GAS2L1: variants seen among roughly 807,000 people sequenced by gnomAD.
The protein encoded by GAS2L1 is GAS2-like protein 1.
GAS2L1 carries 26 observed loss-of-function variants against 44.0 expected under a neutral mutation model. The ratio of observed to expected loss-of-function variants is 0.59; its 90% CI spans 0.43 to 0.82. The LOEUF is 0.82. Ranked by LOEUF, GAS2L1 falls within the 40% of genes least tolerant of loss-of-function variation. The probability of loss-of-function intolerance (pLI) is 0.00; values close to 1 mark genes in which losing one functional copy is unlikely to be tolerated. For synonymous variants in GAS2L1, 426 were observed against 415.9 expected (o/e 1.02, Z -0.30); for missense variants, 1,006 against 983.0 (o/e 1.02, Z -0.31).
Position 29,310,298 on chromosome 22 carries a change from A to C in GAS2L1, c.634-141A>C. The C allele has an allele frequency of 3.4e-6, 2 of 594,232 alleles. 1 individual carries two copies. The highest frequency in any genetic ancestry group is 6.1e-6 in the Non-Finnish European group (2 of 329,540). The allele number at this position is 594,232 out of a possible 1,614,324, so 36.8% of individuals were successfully genotyped here. A position where few individuals can be genotyped will look rare whatever the true frequency, so the allele number is the denominator to read the frequency against. ...AAAATAAAAGAAAGGTCACGTGTGG[A>C]AGCTGTACCCCATCCGGGGCAACAC... On this transcript the variant is annotated intron_variant, in intron 1 of 4. Coordinates refer to ENST00000618518, the Ensembl canonical transcript of GAS2L1.
chr22:29,312,352 G>C lies in GAS2L1; in HGVS notation c.1901G>C (p.Gly634Ala), dbSNP rs1258262315. The C allele has an allele frequency of 3.1e-6, 5 of 1,604,250 alleles. No homozygotes were observed. The African/African-American group carries it at 6.7e-5, about 21-fold the overall frequency. The change falls in exon 5 of 5, where the codon GGT (glycine) becomes GCT (alanine). Residue 634 changes from glycine (G) to alanine (A), a missense_variant. Coordinates refer to ENST00000618518, the Ensembl canonical transcript of GAS2L1. ...GAACCCTCGAGGACCTGGGCACGGG[G>C]TCGGATGGACACACAGCCAGACCGT...
Position 29,310,263 on chromosome 22 carries a change from AAAAAT to A in GAS2L1, c.634-171_634-167del, listed in dbSNP as rs1357975249. The A allele has an allele frequency of 6.8e-3, 2,654 of 389,322 alleles. 45 individuals carry two copies. The highest frequency in any genetic ancestry group is 0.049 in the African/African-American group (2,328 of 47,416). 24.1% of individuals were successfully genotyped at this position (389,322 alleles called of 1,614,324 possible). A position where few individuals can be genotyped will look rare whatever the true frequency, so the allele number is the denominator to read the frequency against. ...AACTCAAAAAAAAAAAAAAATAAAA[AAAAAT>A]AAAAAAAATAAAAGAAAGGTCACGT... On this transcript the variant is annotated intron_variant, in intron 1 of 4. Coordinates refer to ENST00000618518, the Ensembl canonical transcript of GAS2L1.
chr22:29,308,640 G>C (rs777070349), exon 1 of GAS2L1: 9 of 1,576,228 alleles, frequency 5.7e-6, no homozygotes, highest in Non-Finnish European at 7.8e-6. Context: ...CAACGCCCCT[G>C]CCGCTGGGGA....
At chr22:29,310,932 G>A (rs1179215676) in exon 4 of GAS2L1, 1 of 1,613,710 alleles carries the variant, frequency 6.2e-7, no homozygotes, top group South Asian at 1.1e-5. Flanking sequence ...GAGCGCCGGG[G>A]CTCCCGGCCT....
At chr22:29,307,961 C>A in exon 1 of GAS2L1, 1 of 585,686 alleles carries the variant, frequency 1.7e-6, no homozygotes, top group Non-Finnish European at 2.7e-6. Context: ...CGACATTTCC[C>A]AGAGCCAACA....
exon 1 of GAS2L1, chr22:29,308,650 A>G (rs2061374331): frequency 6.4e-7 from 1 of 1,562,184 alleles, no homozygotes; most frequent in Non-Finnish European, 8.7e-7. Context: ...GCCGCTGGGG[A>G]GGACACCACT....
exon 1 of GAS2L1, chr22:29,308,348 G>A (rs879394566): frequency 5.0e-6 from 8 of 1,604,046 alleles, no homozygotes; most frequent in South Asian, 1.1e-5. Flanking sequence ...CCGCCCGCCC[G>A]GCCCGAGGTG....
intron 1 of GAS2L1, 130 bp from the exon 3 acceptor site, chr22:29,310,309 C>G (rs1158336300): frequency 1.5e-6 from 1 of 646,890 alleles, no homozygotes; most frequent in Non-Finnish European, 2.8e-6. Context: ...AGCTGTACCC[C>G]ATCCGGGGCA....
chr22:29,308,655 A>G, exon 1 of GAS2L1: 1 of 1,549,776 alleles, frequency 6.5e-7, no homozygotes, highest in Non-Finnish European at 8.7e-7. Flanking sequence ...TGGGGAGGAC[A>G]CCACTGAAAC....
At chr22:29,309,735 C>G (rs1445964086) in intron 1 of GAS2L1, among the ~76,000 whole-genome samples, 1 of 152,212 alleles carries the variant, frequency 6.6e-6, no homozygotes, top group Non-Finnish European at 1.5e-5. Flanking sequence ...CACCCAGGGG[C>G]ATGGGGCCCC....
chr22:29,310,258 TA>T (rs1169109475), intron 1 of GAS2L1, 180 bp from the exon 3 acceptor site: 101 of 306,592 alleles, frequency 3.3e-4, no homozygotes, highest in Middle Eastern at 8.5e-4. Context: ...AAAAAAAAAA[TA>T]AAAAAAAATA....
chr22:29,306,977 C>T (rs1000414742), upstream of GAS2L1: 1 of 152,190 alleles, frequency 6.6e-6, no homozygotes, highest in African/African-American at 2.4e-5. Context: ...CGCGGCCCCG[C>T]CCGCCCCCTC....
Position 29,311,656 on chromosome 22 carries a change from G to T in GAS2L1, c.1205G>T (p.Arg402Leu), listed in dbSNP as rs761686740. ...TCTCCGAGACGGCCTCCTGCCCTGCGCAGCCAGTCCCGAGACCGGCTGGAT... is the reference window on the plus strand; with the variant it reads ...TCTCCGAGACGGCCTCCTGCCCTGCTCAGCCAGTCCCGAGACCGGCTGGAT... The change falls in exon 5 of 5, where the codon CGC (arginine) becomes CTC (leucine). Residue 402 changes from arginine (R) to leucine (L), a missense_variant. By Grantham distance (102) the Arg-to-Leu change is moderately radical (BLOSUM62 -2). Transcript: ENST00000618518. 5 of 1,530,964 alleles carry T rather than the reference G, an allele frequency of 3.3e-6. No individual in the cohort carries two copies. The South Asian group carries it at 4.8e-5, about 15-fold the overall frequency. 94.8% of individuals were successfully genotyped at this position (1,530,964 alleles called of 1,614,324 possible).
exon 1 of GAS2L1, chr22:29,307,768 C>G (rs946311553): frequency 1.5e-5 from 3 of 202,874 alleles, no homozygotes; most frequent in African/African-American, 2.3e-5. Context: ...TAGGTCCCAG[C>G]CCTTCACAAT....
Position 29,308,470 on chromosome 22 carries a change from TTG to T in GAS2L1, c.366_367del (p.Phe122LeufsTer3). ...CTGGGTGTGCCGGAGGTGCTCATGTTTGAGACTGAGGACCTGGTGCTGCGCAA... is the reference window on the plus strand; with the variant it reads ...CTGGGTGTGCCGGAGGTGCTCATGTTAGACTGAGGACCTGGTGCTGCGCAA... On this transcript the variant is annotated frameshift_variant, in exon 1 of 5. Coordinates refer to ENST00000618518, the Ensembl canonical transcript of GAS2L1. LOFTEE classifies it high-confidence loss of function. 6.2e-7 allele frequency: 1 copy of T among 1,608,216 alleles called. No homozygotes were observed. Among genetic ancestry groups the T allele is most frequent in the Middle Eastern group, 1.7e-4 (1 of 6,058 alleles).
At position 29,308,744 on chromosome 22, in the gene GAS2L1, T is replaced by G; in HGVS notation, c.633+6T>G. ...TGCGCAACCTCGACGAGCTGGTGAG[T>G]CCCCCAGCACCAGGTGCCAGGGACC... On this transcript the variant is annotated splice_donor_region_variant and intron_variant, in intron 1 of 4. Transcript: ENST00000618518. 1 of 1,483,646 alleles carries G rather than the reference T, an allele frequency of 6.7e-7. No individual in the cohort carries two copies. Among genetic ancestry groups the G allele is most frequent in the Non-Finnish European group, 8.9e-7 (1 of 1,122,732 alleles). 91.9% of individuals were successfully genotyped at this position (1,483,646 alleles called of 1,614,324 possible). A position where few individuals can be genotyped will look rare whatever the true frequency, so the allele number is the denominator to read the frequency against.
At chr22:29,308,009 C>T (rs2061365123) in exon 1 of GAS2L1, 1 of 967,510 alleles carries the variant, frequency 1.0e-6, no homozygotes, top group Non-Finnish European at 1.4e-6. Flanking sequence ...CAGACTGGTG[C>T]AGGTGGCCAG....
At chr22:29,311,765 C>G (rs781752920) in exon 5 of GAS2L1, 123 of 1,540,472 alleles carry the variant, frequency 8.0e-5, no homozygotes, top group Admixed American at 3.1e-4. Context: ...GGAGCCAGAG[C>G]CGCGAGGAGC....
chr22:29,308,714 C>T (rs1455354595), exon 1 of GAS2L1: 3 of 1,497,730 alleles, frequency 2.0e-6, no homozygotes, highest in Non-Finnish European at 1.8e-6. Flanking sequence ...TGACACCCAG[C>T]GACCTGCGCA....
Sources: gnomAD v4.1 joint callset for allele counts (sites outside exome capture counted in the v4.1 genomes callset) on GRCh38, gnomAD v4.1.1 for gene constraint, MANE v1.5 for transcripts, NCBI Gene and HGNC (gene_info 2026-07-23, HGNC 2026-07-21) for gene names.